PCMTD1: variants seen among roughly 807,000 people sequenced by gnomAD.
The protein encoded by PCMTD1 is protein-L-isoaspartate (D-aspartate) O-methyltransferase domain containing 1.
PCMTD1 carries 12 observed loss-of-function variants against 37.6 expected under a neutral mutation model. The ratio of observed to expected loss-of-function variants is 0.32; its 90% CI spans 0.20 to 0.52. The LOEUF (loss-of-function observed/expected upper bound fraction) is 0.52. Ranked by LOEUF, PCMTD1 falls within the 20% of genes least tolerant of loss-of-function variation. PCMTD1 has a pLI of 0.97. For synonymous variants in PCMTD1, 117 were observed against 135.8 expected (o/e 0.86, Z 0.96); for missense variants, 235 against 421.3 (o/e 0.56, Z 3.87).
chr8:51,880,208 GAA>G (rs71237258), intron 1 of PCMTD1, among the ~76,000 whole-genome samples: 1 of 148,168 alleles, frequency 6.7e-6, no homozygotes, highest in South Asian at 2.1e-4. Flanking sequence ...TCCTTTTAAT[GAA>G]AAAAAAAAGA....
chr8:51,861,396 TA>T, intron 1 of PCMTD1, 150 bp from the exon 2 acceptor site: 1 of 536,736 alleles, frequency 1.9e-6, no homozygotes, highest in East Asian at 3.6e-5. Flanking sequence ...TTAACTATAT[TA>T]TTTTATTTAA....
intron 2 of PCMTD1, among the ~76,000 whole-genome samples, chr8:51,846,129 G>C (rs1314369457): frequency 6.6e-6 from 1 of 152,130 alleles, no homozygotes; most frequent in Non-Finnish European, 1.5e-5. Context: ...TAAAAAATTG[G>C]TAATTCAAAA....
intron 5 of PCMTD1, among the ~76,000 whole-genome samples, chr8:51,830,293 G>A (rs1219154314): frequency 6.6e-6 from 1 of 152,150 alleles, no homozygotes; most frequent in Non-Finnish European, 1.5e-5. Context: ...TCATGTTGAG[G>A]GGTCTCCATT....
At chr8:51,858,411 T>C (rs1324560460) in intron 2 of PCMTD1, among the ~76,000 whole-genome samples, 1 of 152,226 alleles carries the variant, frequency 6.6e-6, no homozygotes, top group African/African-American at 2.4e-5. Context: ...AAAGAACTTT[T>C]GTTAATAAGG....
intron 2 of PCMTD1, among the ~76,000 whole-genome samples, chr8:51,853,159 G>GT (rs1485017484): frequency 6.6e-6 from 1 of 152,156 alleles, no homozygotes; most frequent in Admixed American, 6.5e-5. Context: ...ATTTATAAAC[G>GT]TAACACACAG....
At chr8:51,883,865 C>T (rs544817956) in intron 1 of PCMTD1, among the ~76,000 whole-genome samples, 1 of 152,256 alleles carries the variant, frequency 6.6e-6, no homozygotes, top group South Asian at 2.1e-4. Context: ...AAAACAAAGA[C>T]ATAGTTCATA....
chr8:51,834,588 T>C (rs550847155), intron 3 of PCMTD1, among the ~76,000 whole-genome samples: 2 of 113,940 alleles, frequency 1.8e-5, no homozygotes, highest in South Asian at 7.2e-4. Context: ...AATATGATCA[T>C]AGAGCAAAAG....
chr8:51,862,202 C>T (rs977890453), intron 1 of PCMTD1, among the ~76,000 whole-genome samples: 24 of 152,264 alleles, frequency 1.6e-4, no homozygotes, highest in African/African-American at 5.8e-4. Flanking sequence ...ACTCGAAACA[C>T]TGAACATAAA....
At chr8:51,845,787 T>C in intron 2 of PCMTD1, 24 bp from the exon 3 acceptor site, 7 of 1,506,416 alleles carry the variant, frequency 4.6e-6, no homozygotes, top group Non-Finnish European at 6.4e-6. Flanking sequence ...AGCATTTTTA[T>C]AAAAAATATT....
intron 2 of PCMTD1, among the ~76,000 whole-genome samples, chr8:51,858,576 A>G (rs1357056740): frequency 2.0e-5 from 3 of 152,232 alleles, no homozygotes; most frequent in African/African-American, 7.2e-5. Flanking sequence ...CAAACTAAAA[A>G]CAGAGAGCAG....
intron 1 of PCMTD1, among the ~76,000 whole-genome samples, chr8:51,869,015 A>G (rs1173183769): frequency 6.6e-6 from 1 of 152,146 alleles, no homozygotes; most frequent in Admixed American, 6.6e-5. Flanking sequence ...CATTCTTTCC[A>G]AATCCAGAAG....
intron 5 of PCMTD1, among the ~76,000 whole-genome samples, chr8:51,825,368 T>C (rs1283291856): frequency 1.3e-5 from 2 of 150,242 alleles, no homozygotes; most frequent in Non-Finnish European, 3.0e-5. Flanking sequence ...CATCAAAAAG[T>C]GGGCAAAGGA....
intron 1 of PCMTD1, among the ~76,000 whole-genome samples, chr8:51,891,551 G>A (rs1038281995): frequency 9.3e-5 from 14 of 151,086 alleles, no homozygotes; most frequent in Admixed American, 9.2e-4. Context: ...GCGAGGCCCT[G>A]TCTCAAAAAA....
chr8:51,817,949 A>G lies in PCMTD1; in HGVS notation c.*2402T>C, dbSNP rs1338409183. On this transcript the variant is annotated 3_prime_UTR_variant, in exon 6 of 6. Transcript: ENST00000522514. ...CATCTGCAAAATAAACACCCAAATT[A>G]GATGATACTTACTGTTTTAACTAGC... 1 of 456,676 alleles carries G rather than the reference A, an allele frequency of 2.2e-6. No individual in the cohort carries two copies. Among genetic ancestry groups the G allele is most frequent in the African/African-American group, 2.0e-5 (1 of 50,106 alleles). 28.3% of individuals were successfully genotyped at this position (456,676 alleles called of 1,614,324 possible). A position where few individuals can be genotyped will look rare whatever the true frequency, so the allele number is the denominator to read the frequency against.
At chr8:51,845,382 A>G (rs1391902491) in intron 3 of PCMTD1, 2 of 296,002 alleles carry the variant, frequency 6.8e-6, no homozygotes, top group African/African-American at 4.3e-5. Context: ...CAGCATTATT[A>G]CACTGTATCT....
At chr8:51,869,957 TGACTTAAATCTATTTAGGAAA>T (rs1365917948) in intron 1 of PCMTD1, among the ~76,000 whole-genome samples, 1 of 152,224 alleles carries the variant, frequency 6.6e-6, no homozygotes, top group Non-Finnish European at 1.5e-5. Flanking sequence ...TTTAGAATTG[TGACTTAAATCTATTTAGGAAA>T]GAACTGTCAA....
intron 2 of PCMTD1, among the ~76,000 whole-genome samples, chr8:51,854,614 T>C (rs4313145): frequency 0.69 from 104,588 of 152,160 alleles, 42,400 homozygotes; most frequent in Non-Finnish European, 0.9. Flanking sequence ...CGCAGTGGTT[T>C]ATGCCTGTAA....
chr8:51,842,490 ATT>A (rs1384202210), intron 3 of PCMTD1, among the ~76,000 whole-genome samples: 3 of 143,418 alleles, frequency 2.1e-5, no homozygotes, highest in African/African-American at 2.5e-5. Context: ...AATTTTTCTA[ATT>A]TTTTTTTTTT....
Position 51,818,000 on chromosome 8 carries a change from C to T in PCMTD1, c.*2351G>A. Reference sequence around the variant, plus strand: ...TATAAAATTCCAATACTATATTCCCCATCATTTTCACTTACTTTTACTTAA... The same window carrying T: ...TATAAAATTCCAATACTATATTCCCTATCATTTTCACTTACTTTTACTTAA... On this transcript the variant is annotated 3_prime_UTR_variant, in exon 6 of 6. Coordinates refer to ENST00000522514, the MANE Select transcript of PCMTD1 (RefSeq NM_052937.4). 1.1e-5 allele frequency: 5 copies of T among 453,082 alleles called. No individual in the cohort carries two copies. Among genetic ancestry groups the T allele is most frequent in the South Asian group, 7.8e-5 (5 of 63,968 alleles). 28.1% of individuals were successfully genotyped at this position (453,082 alleles called of 1,614,324 possible). A position where few individuals can be genotyped will look rare whatever the true frequency, so the allele number is the denominator to read the frequency against.
Sources: allele counts gnomAD v4.1 joint callset (sites outside exome capture counted in the v4.1 genomes callset), GRCh38; gene constraint gnomAD v4.1.1; transcripts MANE v1.5; gene names NCBI Gene and HGNC (gene_info 2026-07-23, HGNC 2026-07-21).